Variants in KCNMB2 observed in about 807,000 individuals in gnomAD.
KCNMB2 encodes calcium-activated potassium channel subunit beta-2.
Under a neutral mutation model 24.5 loss-of-function variants are expected in KCNMB2, and 9 were observed. The ratio of observed to expected loss-of-function variants is 0.37; its 90% CI spans 0.22 to 0.64. The LOEUF is 0.64. Ranked by LOEUF, KCNMB2 falls within the 30% of genes least tolerant of loss-of-function variation. The pLI is 0.63. For missense variants in KCNMB2, 226 were observed against 284.3 expected (o/e 0.79, Z 1.47); for synonymous variants, 109 against 104.4 (o/e 1.04, Z -0.27).
intron 1 of KCNMB2, among the ~76,000 whole-genome samples, chr3:178,550,189 G>C (rs540517748): frequency 6.6e-6 from 1 of 151,866 alleles, no homozygotes; most frequent in East Asian, 1.9e-4. Flanking sequence ...AGTGGCTCAC[G>C]CCTGTAATCC....
intron 4 of KCNMB2, among the ~76,000 whole-genome samples, chr3:178,838,570 C>CAA (rs10706377): frequency 2.3e-4 from 31 of 132,428 alleles, no homozygotes; most frequent in Non-Finnish European, 3.7e-4. Flanking sequence ...TACAGCTCAG[C>CAA]AAAAAAAAAA....
chr3:178,782,476 T>C (rs1436559197), intron 1 of KCNMB2, among the ~76,000 whole-genome samples: 5 of 151,828 alleles, frequency 3.3e-5, no homozygotes, highest in Non-Finnish European at 7.4e-5. Flanking sequence ...TTTTAATGAT[T>C]GCCATTCTAA....
In KCNMB2 at chr3:178,723,542, C is replaced by T. The variant is rs558289738; in HGVS notation, c.-67-83801C>T. ...AAGGAATACATGTGCAGGTTTATTACTTATTACATTATGCTGAAGTTGGGG... is the reference window on the plus strand; with the variant it reads ...AAGGAATACATGTGCAGGTTTATTATTTATTACATTATGCTGAAGTTGGGG... On this transcript the variant is annotated intron_variant, in intron 1 of 4. Coordinates refer to ENST00000452583, the MANE Select transcript of KCNMB2 (RefSeq NM_181361.3). 1.2e-4 allele frequency among the ~76,000 whole-genome samples: 18 copies of T among 152,154 alleles called. No homozygotes were observed. In the South Asian group the frequency reaches 2.9e-3, roughly 25 times the overall value.
intron 1 of KCNMB2, among the ~76,000 whole-genome samples, chr3:178,572,733 G>C (rs929192935): frequency 3.9e-5 from 6 of 152,094 alleles, no homozygotes; most frequent in African/African-American, 1.4e-4. Context: ...TATTCATCCA[G>C]ACTCAGTCCT....
intron 1 of KCNMB2, among the ~76,000 whole-genome samples, chr3:178,560,444 C>T (rs2108463663): frequency 6.6e-6 from 1 of 152,188 alleles, no homozygotes; most frequent in Non-Finnish European, 1.5e-5. Flanking sequence ...AAGATATCAC[C>T]CCACTGAAGC....
At chr3:178,780,230 T>C (rs1265856388) in intron 1 of KCNMB2, among the ~76,000 whole-genome samples, 4 of 152,206 alleles carry the variant, frequency 2.6e-5, no homozygotes. Context: ...CTTTGATAGA[T>C]GCCCTGCTAT....
chr3:178,646,079 T>C (rs1174942143), intron 1 of KCNMB2, among the ~76,000 whole-genome samples: 1 of 152,166 alleles, frequency 6.6e-6, no homozygotes, highest in Admixed American at 6.5e-5. Flanking sequence ...ACGTCTCATC[T>C]GAACACAAGA....
chr3:178,581,673 A>G (rs2108489853), intron 1 of KCNMB2, among the ~76,000 whole-genome samples: 1 of 152,348 alleles, frequency 6.6e-6, no homozygotes, highest in Non-Finnish European at 1.5e-5. Context: ...ATTTGCAAGA[A>G]AAAAGAACAA....
At chr3:178,840,069 G>C (rs1011861216) in intron 4 of KCNMB2, among the ~76,000 whole-genome samples, 1 of 152,252 alleles carries the variant, frequency 6.6e-6, no homozygotes, top group South Asian at 2.1e-4. Context: ...ATACAATGGG[G>C]GTACAGGCAA....
intron 1 of KCNMB2, among the ~76,000 whole-genome samples, chr3:178,646,029 A>G (rs542439305): frequency 1.8e-4 from 28 of 152,302 alleles, no homozygotes; most frequent in African/African-American, 6.3e-4. Flanking sequence ...TCTCACATCC[A>G]TCTGCATACA....
At chr3:178,629,770 G>A (rs1435211063) in intron 1 of KCNMB2, among the ~76,000 whole-genome samples, 1 of 152,180 alleles carries the variant, frequency 6.6e-6, no homozygotes, top group Non-Finnish European at 1.5e-5. Flanking sequence ...TAGTAAGTTT[G>A]TGCTCATGGA....
chr3:178,660,764 G>A (rs1720497267), intron 1 of KCNMB2, among the ~76,000 whole-genome samples: 1 of 152,082 alleles, frequency 6.6e-6, no homozygotes, highest in South Asian at 2.1e-4. Flanking sequence ...GCAGGGTCAA[G>A]ACTTCAAATC....
At chr3:178,541,622 T>C (rs1159670152) in intron 1 of KCNMB2, among the ~76,000 whole-genome samples, 1 of 152,190 alleles carries the variant, frequency 6.6e-6, no homozygotes, top group East Asian at 1.9e-4. Context: ...TAAATAATAA[T>C]GTCCAATATT....
At chr3:178,836,261 C>A (rs889473488) in intron 4 of KCNMB2, among the ~76,000 whole-genome samples, 2 of 152,128 alleles carry the variant, frequency 1.3e-5, no homozygotes, top group Admixed American at 1.3e-4. Context: ...ATTCTCAAAA[C>A]TTCTGTCCAT....
chr3:178,641,689 C>T (rs943127024), intron 1 of KCNMB2, among the ~76,000 whole-genome samples: 5 of 151,970 alleles, frequency 3.3e-5, no homozygotes, highest in African/African-American at 1.2e-4. Flanking sequence ...GTAGTTAGGA[C>T]TTTTGGTACA....
At chr3:178,720,879 T>A (rs1722781842) in intron 1 of KCNMB2, among the ~76,000 whole-genome samples, 1 of 151,924 alleles carries the variant, frequency 6.6e-6, no homozygotes, top group Non-Finnish European at 1.5e-5. Context: ...TTCTGGATAT[T>A]AGCCCTTTGT....
At chr3:178,671,301 C>T (rs1306650942) in intron 1 of KCNMB2, among the ~76,000 whole-genome samples, 2 of 152,100 alleles carry the variant, frequency 1.3e-5, no homozygotes, top group South Asian at 2.1e-4. Context: ...CACTAAACTA[C>T]AAGAAAAACC....
In KCNMB2 at chr3:178,843,202, C is replaced by T; in HGVS notation, c.*265C>T. 1.8e-6 allele frequency: 1 copy of T among 542,892 alleles called. No individual in the cohort carries two copies. Among genetic ancestry groups the T allele is most frequent in the East Asian group, 4.6e-5 (1 of 21,820 alleles). The allele number at this position is 542,892 out of a possible 1,614,324, so 33.6% of individuals were successfully genotyped here. ...ACTAGTACTTTCTTCTCTCATTCCG[C>T]CAAAACAGGGCTCAGTTATTCATTT... On this transcript the variant is annotated 3_prime_UTR_variant, in exon 5 of 5. Coordinates refer to ENST00000452583, the MANE Select transcript of KCNMB2 (RefSeq NM_181361.3).
intron 4 of KCNMB2, among the ~76,000 whole-genome samples, chr3:178,831,540 T>C (rs1276438411): frequency 6.6e-6 from 1 of 152,096 alleles, no homozygotes; most frequent in African/African-American, 2.4e-5. Flanking sequence ...GTGGTACATA[T>C]ACACCATGGA....
Sources: gnomAD v4.1 joint callset for allele counts (sites outside exome capture counted in the v4.1 genomes callset) on GRCh38, gnomAD v4.1.1 for gene constraint, MANE v1.5 for transcripts, NCBI Gene and HGNC (gene_info 2026-07-23, HGNC 2026-07-21) for gene names.